The following NR2F1-AS1 variants were observed in gnomAD, a reference collection of about 807,000 sequenced individuals.
NR2F1-AS1 encodes NR2F1 antisense RNA 1.
chr5:93,454,662 G>A (rs974385349), intron 4 of NR2F1-AS1, among the ~76,000 whole-genome samples: 1 of 152,194 alleles, frequency 6.6e-6, no homozygotes, highest in Non-Finnish European at 1.5e-5. Flanking sequence ...CATGTGAATA[G>A]AAGGTTGGAA....
intron 4 of NR2F1-AS1, among the ~76,000 whole-genome samples, chr5:93,476,863 C>G (rs779209519): frequency 1.3e-5 from 2 of 152,004 alleles, no homozygotes; most frequent in East Asian, 3.8e-4. Flanking sequence ...TAATAAGAAT[C>G]TTTGCTAAAT....
chr5:93,418,824 A>C (rs2149841428), intron 4 of NR2F1-AS1, among the ~76,000 whole-genome samples: 2 of 152,214 alleles, frequency 1.3e-5, no homozygotes, highest in East Asian at 3.9e-4. Context: ...ATCAATTTTG[A>C]TTTCAAGTCA....
At chr5:93,476,162 G>C (rs1750480142) in intron 4 of NR2F1-AS1, among the ~76,000 whole-genome samples, 3 of 152,254 alleles carry the variant, frequency 2.0e-5, no homozygotes, top group Admixed American at 1.3e-4. Context: ...TATTTGAGCA[G>C]ACATATTAAA....
intron 4 of NR2F1-AS1, among the ~76,000 whole-genome samples, chr5:93,425,256 C>T (rs1042932848): frequency 6.6e-6 from 1 of 152,172 alleles, no homozygotes; most frequent in African/African-American, 2.4e-5. Context: ...GATGATCTCA[C>T]TCGCATGTTT....
intron 4 of NR2F1-AS1, among the ~76,000 whole-genome samples, chr5:93,433,927 A>G (rs1749378630): frequency 6.6e-6 from 1 of 152,088 alleles, no homozygotes; most frequent in Non-Finnish European, 1.5e-5. Context: ...TTTCTTCCTA[A>G]TGACCTACAC....
At chr5:93,523,183 T>C (rs947278620) in intron 4 of NR2F1-AS1, among the ~76,000 whole-genome samples, 1 of 152,098 alleles carries the variant, frequency 6.6e-6, no homozygotes, top group Non-Finnish European at 1.5e-5. Context: ...CTGCCATTAC[T>C]GAGGATTGAG....
intron 4 of NR2F1-AS1, among the ~76,000 whole-genome samples, chr5:93,502,861 A>G (rs1185620666): frequency 6.6e-6 from 1 of 152,198 alleles, no homozygotes; most frequent in Non-Finnish European, 1.5e-5. Flanking sequence ...TTATCAAATG[A>G]AAAAAACTAG....
chr5:93,418,535 A>G (rs548528884), intron 4 of NR2F1-AS1, among the ~76,000 whole-genome samples: 1 of 152,246 alleles, frequency 6.6e-6, no homozygotes, highest in East Asian at 1.9e-4. Context: ...GCAGTAAGCC[A>G]AGATTGCACC....
chr5:93,464,765 T>C (rs1047620421), intron 4 of NR2F1-AS1, among the ~76,000 whole-genome samples: 1 of 152,222 alleles, frequency 6.6e-6, no homozygotes, highest in African/African-American at 2.4e-5. Context: ...CAGCACCTGA[T>C]ACATAAGCCC....
At chr5:93,443,425 G>T (rs925245042) in intron 4 of NR2F1-AS1, among the ~76,000 whole-genome samples, 3 of 152,126 alleles carry the variant, frequency 2.0e-5, no homozygotes, top group African/African-American at 7.2e-5. Context: ...TAGCCGATTC[G>T]TTCAAGTGGA....
intron 4 of NR2F1-AS1, among the ~76,000 whole-genome samples, chr5:93,457,146 G>A (rs191157694): frequency 1.3e-5 from 2 of 152,220 alleles, no homozygotes; most frequent in East Asian, 3.9e-4. Context: ...ATCCTCCTCA[G>A]CACAGACCCT....
At chr5:93,584,208 G>T, upstream of NR2F1-AS1, 1 of 148,630 alleles carries the variant, frequency 6.7e-6, no homozygotes, top group South Asian at 2.0e-4. Flanking sequence ...CTCCGGCTGC[G>T]GCCCCGACTC....
intron 4 of NR2F1-AS1, among the ~76,000 whole-genome samples, chr5:93,509,238 A>C (rs1751247184): frequency 6.6e-6 from 1 of 152,162 alleles, no homozygotes; most frequent in South Asian, 2.1e-4. Context: ...GTACAGCATG[A>C]TATGATTTAT....
At chr5:93,544,950 G>A (rs957192809) in intron 4 of NR2F1-AS1, 4 of 149,428 alleles carry the variant, frequency 2.7e-5, no homozygotes, top group Non-Finnish European at 5.9e-5. Flanking sequence ...GAGTTATTCT[G>A]TAGGTACGTC....
chr5:93,477,880 G>C (rs1750517657), intron 4 of NR2F1-AS1, among the ~76,000 whole-genome samples: 1 of 152,132 alleles, frequency 6.6e-6, no homozygotes, highest in South Asian at 2.1e-4. Context: ...TTTCAATAAA[G>C]TGCCTTCTCA....
At chr5:93,521,597 C>A in intron 4 of NR2F1-AS1, among the ~76,000 whole-genome samples, 1 of 151,978 alleles carries the variant, frequency 6.6e-6, no homozygotes, top group Non-Finnish European at 1.5e-5. Flanking sequence ...ATGCAGCCAA[C>A]AAACATATGA....
At chr5:93,433,482 T>C (rs1042869585) in intron 4 of NR2F1-AS1, among the ~76,000 whole-genome samples, 2 of 152,238 alleles carry the variant, frequency 1.3e-5, no homozygotes, top group African/African-American at 4.8e-5. Flanking sequence ...ACGTAATGAA[T>C]GCTATCTCCA....
At chr5:93,522,402 T>C (rs1751520586) in intron 4 of NR2F1-AS1, among the ~76,000 whole-genome samples, 1 of 152,250 alleles carries the variant, frequency 6.6e-6, no homozygotes, top group East Asian at 1.9e-4. Context: ...CAATGTTCCA[T>C]ACTGTTTGTT....
chr5:93,517,490 T>A (rs1458023776), intron 4 of NR2F1-AS1, among the ~76,000 whole-genome samples: 1 of 152,082 alleles, frequency 6.6e-6, no homozygotes, highest in Non-Finnish European at 1.5e-5. Flanking sequence ...GTTAGTTTAA[T>A]TTTTGTTAGT....
Sources: allele counts gnomAD v4.1 joint callset (sites outside exome capture counted in the v4.1 genomes callset), GRCh38; gene constraint gnomAD v4.1.1; transcripts MANE v1.5; gene names NCBI Gene and HGNC (gene_info 2026-07-23, HGNC 2026-07-21).